The following PRR5L variants were observed in gnomAD, a reference collection of about 807,000 sequenced individuals.
The protein encoded by PRR5L is proline rich 5 like, also known as proline-rich protein 5-like.
In PRR5L, 21 loss-of-function variants were observed where a neutral mutation model predicts 36.4. The ratio of observed to expected loss-of-function variants is 0.58; its 90% CI spans 0.41 to 0.83. The LOEUF (loss-of-function observed/expected upper bound fraction) is 0.83, where lower values mean the gene tolerates loss of function less well. Ranked by LOEUF, PRR5L falls within the 40% of genes least tolerant of loss-of-function variation. The pLI, the probability that PRR5L is intolerant of heterozygous loss-of-function variation, is 0.00. For synonymous variants in PRR5L, 188 were observed against 197.0 expected (o/e 0.95, Z 0.38); for missense variants, 381 against 473.3 (o/e 0.80, Z 1.81).
intron 1 of PRR5L, chr11:36,386,594 A>AT: frequency 6.6e-6 from 1 of 152,376 alleles, no homozygotes; most frequent in East Asian, 1.9e-4. Flanking sequence ...GCAGGGAAGA[A>AT]ATGGGTGGCG....
intron 6 of PRR5L, among the ~76,000 whole-genome samples, chr11:36,439,212 C>T (rs570951804): frequency 6.6e-6 from 1 of 152,078 alleles, no homozygotes; most frequent in African/African-American, 2.4e-5. Context: ...TTCGAGGGGC[C>T]CTGGGTCTCT....
At chr11:36,459,405 C>T (rs1323302725) in intron 8 of PRR5L, among the ~76,000 whole-genome samples, 1 of 152,188 alleles carries the variant, frequency 6.6e-6, no homozygotes, top group Non-Finnish European at 1.5e-5. Flanking sequence ...GATTTGCTTC[C>T]TCTCTTGGGA....
At chr11:36,384,660 CTTCT>C (rs138334033) in intron 1 of PRR5L, among the ~76,000 whole-genome samples, 30,829 of 149,210 alleles carry the variant, frequency 0.21, 4,039 homozygotes, top group East Asian at 0.46. Context: ...CTTTTTCTCT[CTTCT>C]TTCTTTCTTT....
intron 1 of PRR5L, among the ~76,000 whole-genome samples, chr11:36,299,525 G>A (rs964975187): frequency 6.6e-6 from 1 of 152,200 alleles, no homozygotes. Flanking sequence ...GATGGCCTCA[G>A]TGTCACAGCT....
At chr11:36,417,174 A>G (rs531729078) in intron 3 of PRR5L, among the ~76,000 whole-genome samples, 1 of 152,298 alleles carries the variant, frequency 6.6e-6, no homozygotes, top group Admixed American at 6.5e-5. Context: ...TACCCAAGAT[A>G]TCTCCTTGGG....
intron 4 of PRR5L, among the ~76,000 whole-genome samples, chr11:36,431,507 A>G (rs552837576): frequency 6.6e-6 from 1 of 152,150 alleles, no homozygotes; most frequent in South Asian, 2.1e-4. Context: ...CATTGCCTCA[A>G]TGCTTCCTTT....
chr11:36,352,863 G>A (rs1856990215), intron 1 of PRR5L, among the ~76,000 whole-genome samples: 1 of 152,192 alleles, frequency 6.6e-6, no homozygotes, highest in African/African-American at 2.4e-5. Flanking sequence ...GGTGTGAGAT[G>A]AACTGGAGGG....
intron 1 of PRR5L, among the ~76,000 whole-genome samples, chr11:36,371,414 A>G (rs1857196064): frequency 6.6e-6 from 1 of 152,218 alleles, no homozygotes; most frequent in African/African-American, 2.4e-5. Flanking sequence ...CAAGTTTTAT[A>G]TCTAGATTGG....
intron 4 of PRR5L, chr11:36,425,578 A>G (rs1247436234): frequency 4.6e-5 from 7 of 152,218 alleles, no homozygotes; most frequent in Non-Finnish European, 7.3e-5. Context: ...ACTATGGCTG[A>G]AACAGTGCTA....
intron 4 of PRR5L, among the ~76,000 whole-genome samples, chr11:36,426,537 C>T (rs1028111131): frequency 6.6e-6 from 1 of 152,180 alleles, no homozygotes; most frequent in African/African-American, 2.4e-5. Flanking sequence ...ATTTTTATTA[C>T]TATTGCTAAG....
chr11:36,340,604 C>T (rs1856808586), intron 1 of PRR5L, among the ~76,000 whole-genome samples: 1 of 152,166 alleles, frequency 6.6e-6, no homozygotes, highest in South Asian at 2.1e-4. Context: ...GACTCACACC[C>T]TGGCATTCTG....
chr11:36,369,776 T>G (rs1857179903), intron 1 of PRR5L, among the ~76,000 whole-genome samples: 2 of 152,114 alleles, frequency 1.3e-5, no homozygotes. Flanking sequence ...TTTGTATTTT[T>G]GGTAGAGATG....
intron 8 of PRR5L, among the ~76,000 whole-genome samples, chr11:36,460,663 C>T (rs914783957): frequency 1.3e-5 from 2 of 152,246 alleles, no homozygotes. Context: ...TGGCTTTCCT[C>T]GCTGCTGGCC....
chr11:36,431,920 A>G lies in PRR5L; in HGVS notation c.352+10A>G. Reference sequence around the variant, plus strand: ...ATCAAGCTGTGTGAAGGCAAGTACAAGACAGCCCTGGTAGACTGGGGCCTC... The same window carrying G: ...ATCAAGCTGTGTGAAGGCAAGTACAGGACAGCCCTGGTAGACTGGGGCCTC... On this transcript the variant is annotated intron_variant, in intron 5 of 8. Transcript: ENST00000530639. 1 of 1,613,118 alleles carries G rather than the reference A, an allele frequency of 6.2e-7. No homozygotes were observed. Among genetic ancestry groups the G allele is most frequent in the Non-Finnish European group, 8.5e-7 (1 of 1,179,122 alleles).
intron 3 of PRR5L, among the ~76,000 whole-genome samples, chr11:36,404,073 G>A (rs181570874): frequency 1.4e-4 from 22 of 152,270 alleles, no homozygotes; most frequent in African/African-American, 5.1e-4. Flanking sequence ...GGCTCCAGTT[G>A]GTAGAAACTG....
At chr11:36,417,207 T>A (rs1056165101) in intron 3 of PRR5L, among the ~76,000 whole-genome samples, 2 of 152,196 alleles carry the variant, frequency 1.3e-5, no homozygotes, top group African/African-American at 4.8e-5. Flanking sequence ...AAGTAGCCTA[T>A]CAGTAGGACT....
At chr11:36,449,628 A>G (rs1858903514) in intron 7 of PRR5L, among the ~76,000 whole-genome samples, 2 of 152,228 alleles carry the variant, frequency 1.3e-5, no homozygotes, top group South Asian at 4.1e-4. Flanking sequence ...CAGGGTGTGC[A>G]GCCTGTACTC....
intron 5 of PRR5L, among the ~76,000 whole-genome samples, chr11:36,434,240 G>T (rs529488939): frequency 8.1e-4 from 124 of 152,294 alleles, no homozygotes; most frequent in African/African-American, 2.8e-3. Context: ...GTTGGGGCCT[G>T]TTCTGTACAG....
chr11:36,437,853 T>C (rs1858637708), intron 6 of PRR5L, among the ~76,000 whole-genome samples: 1 of 152,182 alleles, frequency 6.6e-6, no homozygotes, highest in South Asian at 2.1e-4. Flanking sequence ...CTACTTTTTT[T>C]TGTGAAGCAT....
Sources: allele counts gnomAD v4.1 joint callset (sites outside exome capture counted in the v4.1 genomes callset), GRCh38; gene constraint gnomAD v4.1.1; transcripts MANE v1.5; gene names NCBI Gene and HGNC (gene_info 2026-07-23, HGNC 2026-07-21).